Variants in MYT1L observed in about 807,000 individuals in gnomAD.
The protein encoded by MYT1L is myelin transcription factor 1 like, also known as myelin transcription factor 1-like protein.
MYT1L carries 12 observed loss-of-function variants against 126.7 expected under a neutral mutation model. The ratio of observed to expected loss-of-function variants is 0.09; its 90% CI spans 0.06 to 0.15. The LOEUF is 0.15. MYT1L is among the 10% of genes least tolerant of loss of function. The pLI, the probability that MYT1L is intolerant of heterozygous loss-of-function variation, is 1.00. For synonymous variants in MYT1L, 541 were observed against 604.2 expected, an observed-to-expected ratio of 0.90 and a Z score of 1.53; for missense variants, 979 against 1,585.2, an observed-to-expected ratio of 0.62 and a Z score of 6.49.
At chr2:2,102,792 T>C (rs969646338) in intron 3 of MYT1L, among the ~76,000 whole-genome samples, 8 of 152,238 alleles carry the variant, frequency 5.3e-5, no homozygotes, top group Admixed American at 2.6e-4. Context: ...AGCACTCTCA[T>C]CCCTATCTGG....
At chr2:1,940,284 C>T (rs1412606488) in intron 9 of MYT1L, among the ~76,000 whole-genome samples, 133 of 140,204 alleles carry the variant, frequency 9.5e-4, no homozygotes, top group Middle Eastern at 9.4e-3. Context: ...TCAACATCTC[C>T]CTGTGGCTGC....
chr2:2,009,539 A>G (rs2063621673), intron 4 of MYT1L, among the ~76,000 whole-genome samples: 1 of 152,162 alleles, frequency 6.6e-6, no homozygotes, highest in Non-Finnish European at 1.5e-5. Context: ...TGATTTTTGT[A>G]TGCTGATTTT....
At chr2:2,107,989 T>C (rs572232261) in intron 3 of MYT1L, among the ~76,000 whole-genome samples, 1 of 152,266 alleles carries the variant, frequency 6.6e-6, no homozygotes, top group South Asian at 2.1e-4. Context: ...AGAGTCAATA[T>C]CTAAGAAATC....
intron 3 of MYT1L, among the ~76,000 whole-genome samples, chr2:2,100,995 T>A (rs765448678): frequency 6.6e-6 from 1 of 152,178 alleles, no homozygotes; most frequent in Non-Finnish European, 1.5e-5. Flanking sequence ...GTAGCAGAGT[T>A]ATCACTCCTC....
chr2:1,992,518 A>T (rs895502353), intron 5 of MYT1L, among the ~76,000 whole-genome samples: 1 of 152,170 alleles, frequency 6.6e-6, no homozygotes, highest in Non-Finnish European at 1.5e-5. Context: ...CGGGCATAAG[A>T]ACCCAGAGTG....
At chr2:2,267,859 G>A (rs974784099) in intron 2 of MYT1L, among the ~76,000 whole-genome samples, 1 of 151,716 alleles carries the variant, frequency 6.6e-6, no homozygotes, top group Admixed American at 6.6e-5. Context: ...AGGCAAGTAT[G>A]TCAAATAAGA....
At position 1,848,748 on chromosome 2, in the gene MYT1L, T is replaced by A. The variant is rs891740439; in HGVS notation, c.2774+2893A>T. ...TCATTTACACAGAACTGCACTTGTTTTGCTGGGGCCTCCATCTTCCTTTAG... is the reference window on the plus strand; with the variant it reads ...TCATTTACACAGAACTGCACTTGTTATGCTGGGGCCTCCATCTTCCTTTAG... On this transcript the variant is annotated intron_variant, in intron 19 of 24. Transcript: ENST00000647738. The surrounding 1 kb of genome is among the most constrained non-coding windows in gnomAD (Gnocchi z 4.8). 6.6e-6 allele frequency among the ~76,000 whole-genome samples: 1 copy of A among 152,172 alleles called. No individual in the cohort carries two copies. The highest frequency in any genetic ancestry group is 1.5e-5 in the Non-Finnish European group (1 of 68,020).
chr2:2,176,418 C>T (rs1026386505), intron 2 of MYT1L, among the ~76,000 whole-genome samples: 4 of 151,824 alleles, frequency 2.6e-5, no homozygotes, highest in South Asian at 4.1e-4. Context: ...TAAAAAGGTT[C>T]GGGTCTACCT....
At chr2:2,051,611 A>G (rs1193484840) in intron 4 of MYT1L, among the ~76,000 whole-genome samples, 1 of 152,252 alleles carries the variant, frequency 6.6e-6, no homozygotes, top group Non-Finnish European at 1.5e-5. Flanking sequence ...CTGCTAGAGA[A>G]TTAAGCCTTA....
intron 9 of MYT1L, among the ~76,000 whole-genome samples, chr2:1,930,510 C>T (rs376385989): frequency 1.3e-5 from 2 of 152,216 alleles, no homozygotes; most frequent in East Asian, 3.9e-4. Flanking sequence ...GCTTCAAATA[C>T]TGGTGAGGTA....
intron 9 of MYT1L, among the ~76,000 whole-genome samples, chr2:1,942,627 T>C (rs1436288351): frequency 2.0e-5 from 3 of 152,242 alleles, no homozygotes; most frequent in Non-Finnish European, 2.9e-5. Flanking sequence ...CCAATCATTG[T>C]ATCTCATGGA....
chr2:1,793,964 A>C lies in MYT1L; in HGVS notation c.3277-1500T>G, dbSNP rs1383529280. ...CCTTCCTGGGTGGCCACGTGCCTGC[A>C]CTCACAGCTGGTGGCAGCTGTGGCT... On this transcript the variant is annotated intron_variant, in intron 23 of 24. Transcript: ENST00000647738. This position sits in a 1 kb window ranked among gnomAD's most constrained non-coding sequence, Gnocchi z 4.6. Among the ~76,000 whole-genome samples, 1 of 152,084 alleles carries C rather than the reference A, an allele frequency of 6.6e-6. No individual in the cohort carries two copies. The highest frequency in any genetic ancestry group is 2.4e-5 in the African/African-American group (1 of 41,408).
At chr2:2,127,724 A>G (rs1043412373) in intron 3 of MYT1L, among the ~76,000 whole-genome samples, 1 of 152,224 alleles carries the variant, frequency 6.6e-6, no homozygotes, top group South Asian at 2.1e-4. Flanking sequence ...CTGCTGGACC[A>G]CTGAGCAAAG....
At chr2:2,010,372 T>C (rs1248390416) in intron 4 of MYT1L, among the ~76,000 whole-genome samples, 10 of 152,060 alleles carry the variant, frequency 6.6e-5, no homozygotes, top group South Asian at 2.1e-4. Flanking sequence ...AGGCTGACTG[T>C]ATGTTGTTAA....
intron 4 of MYT1L, among the ~76,000 whole-genome samples, chr2:2,014,311 G>A (rs2064146980): frequency 6.6e-6 from 1 of 151,882 alleles, no homozygotes; most frequent in Non-Finnish European, 1.5e-5. Flanking sequence ...GCCTTTTGTG[G>A]GCGGTCTCCA....
chr2:2,159,240 C>T (rs551155538), intron 3 of MYT1L, among the ~76,000 whole-genome samples: 3 of 152,210 alleles, frequency 2.0e-5, no homozygotes, highest in East Asian at 3.9e-4. Flanking sequence ...GCATACTAGG[C>T]AATCCTTATT....
chr2:2,173,516 G>A (rs2090341182), intron 2 of MYT1L, among the ~76,000 whole-genome samples: 1 of 152,174 alleles, frequency 6.6e-6, no homozygotes, highest in Non-Finnish European at 1.5e-5. Context: ...TAATGGAAAT[G>A]TAGAAATTAT....
At chr2:1,802,763 G>A (rs1258019715) in intron 22 of MYT1L, among the ~76,000 whole-genome samples, 1 of 152,228 alleles carries the variant, frequency 6.6e-6, no homozygotes, top group African/African-American at 2.4e-5. Flanking sequence ...CTCTCTATTT[G>A]TGACCACTTG....
intron 3 of MYT1L, among the ~76,000 whole-genome samples, chr2:2,170,969 T>G (rs1354953493): frequency 6.6e-6 from 1 of 152,202 alleles, no homozygotes; most frequent in Non-Finnish European, 1.5e-5. Context: ...GTTGTGCGTC[T>G]TGCTCTTATT....
Sources: gnomAD v4.1 joint callset for allele counts (sites outside exome capture counted in the v4.1 genomes callset) on GRCh38, gnomAD v4.1.1 for gene constraint, Gnocchi (gnomAD v3.1) non-coding constraint, MANE v1.5 for transcripts, NCBI Gene and HGNC (gene_info 2026-07-23, HGNC 2026-07-21) for gene names.